The following SLC9A9 variants were observed in gnomAD, a reference collection of about 807,000 sequenced individuals.
SLC9A9 encodes the protein sodium/hydrogen exchanger 9.
SLC9A9 carries 62 observed loss-of-function variants against 77.8 expected under a neutral mutation model. That is an observed-to-expected ratio of 0.80 (90% CI 0.65 to 0.98). SLC9A9 has a LOEUF of 0.98. Ranked by LOEUF, SLC9A9 falls within the 50% of genes least tolerant of loss-of-function variation. The probability of loss-of-function intolerance (pLI) is 0.00; values close to 1 mark genes in which losing one functional copy is unlikely to be tolerated. For synonymous variants in SLC9A9, 320 were observed against 283.5 expected, an observed-to-expected ratio of 1.13 and a Z score of -1.29; for missense variants, 775 against 774.9, an observed-to-expected ratio of 1.00 and a Z score of 0.00.
At chr3:143,779,612 C>A (rs2007808793) in intron 4 of SLC9A9, among the ~76,000 whole-genome samples, 1 of 152,130 alleles carries the variant, frequency 6.6e-6, no homozygotes, top group African/African-American at 2.4e-5. Context: ...CTCAGGTGAT[C>A]CATCCACTTC....
chr3:143,500,363 TGTAAG>T (rs541552097), intron 9 of SLC9A9, among the ~76,000 whole-genome samples: 5 of 152,346 alleles, frequency 3.3e-5, no homozygotes, highest in African/African-American at 1.2e-4. Context: ...TGATGAATCT[TGTAAG>T]GTAAGTTATT....
chr3:143,763,714 A>AT lies in SLC9A9; in HGVS notation c.533+31286dup, dbSNP rs112250510. ...AGCAAAAAGCAAAATAAAATGTTTG[A>AT]TTTTTTTTTTTTTCACATTTCTTTT... On this transcript the variant is annotated intron_variant, in intron 4 of 15. Transcript: ENST00000316549. 3.0e-3 allele frequency among the ~76,000 whole-genome samples: 437 copies of AT among 146,556 alleles called. 2 individuals are homozygous for AT. Among genetic ancestry groups the AT allele is most frequent in the African/African-American group, 6.0e-3 (242 of 40,554 alleles).
chr3:143,662,711 A>G (rs1304484578), intron 5 of SLC9A9, among the ~76,000 whole-genome samples: 3 of 152,070 alleles, frequency 2.0e-5, no homozygotes, highest in African/African-American at 7.2e-5. Flanking sequence ...CTAGCACAGC[A>G]GTCCGAGATG....
chr3:143,415,401 G>T (rs2034174000), intron 12 of SLC9A9, among the ~76,000 whole-genome samples: 1 of 152,202 alleles, frequency 6.6e-6, no homozygotes, highest in Non-Finnish European at 1.5e-5. Context: ...TGATTCTCTT[G>T]TGAGGGGCTA....
intron 2 of SLC9A9, among the ~76,000 whole-genome samples, chr3:143,824,736 G>T (rs2009255465): frequency 1.3e-5 from 2 of 152,182 alleles, no homozygotes; most frequent in South Asian, 4.1e-4. Context: ...AATCTGTGTT[G>T]TTCAATGATG....
Position 143,307,178 on chromosome 3 carries a change from A to G in SLC9A9, c.1605-38198T>C, listed in dbSNP as rs147699077. ...TCCCAATACTGTATTCGGTGCCTCT[A>G]TGTTGGCAGATTGATATTAGCTATG... On this transcript the variant is annotated intron_variant, in intron 14 of 15. Coordinates refer to ENST00000316549, the MANE Select transcript of SLC9A9 (RefSeq NM_173653.4). Among the ~76,000 whole-genome samples the G allele has an allele frequency of 1.1e-3, 165 of 152,310 alleles. 1 individual carries two copies. The highest frequency in any genetic ancestry group is 3.7e-3 in the African/African-American group (152 of 41,562).
At chr3:143,666,860 T>C (rs981061473) in intron 5 of SLC9A9, among the ~76,000 whole-genome samples, 5 of 152,212 alleles carry the variant, frequency 3.3e-5, no homozygotes, top group African/African-American at 1.2e-4. Flanking sequence ...GAACATTCCA[T>C]GCTCACGAAT....
At chr3:143,274,436 C>T (rs545513041) in intron 14 of SLC9A9, among the ~76,000 whole-genome samples, 16 of 152,234 alleles carry the variant, frequency 1.1e-4, no homozygotes, top group Admixed American at 1.0e-3. Flanking sequence ...CTAAAGATTG[C>T]TACATACTGT....
chr3:143,695,796 T>G (rs2360863), intron 4 of SLC9A9, among the ~76,000 whole-genome samples: 1 of 151,742 alleles, frequency 6.6e-6, no homozygotes, highest in African/African-American at 2.4e-5. Context: ...ACACTCCCAT[T>G]AACAGTGTAA....
intron 4 of SLC9A9, among the ~76,000 whole-genome samples, chr3:143,693,808 G>C (rs969683493): frequency 2.0e-5 from 3 of 152,222 alleles, no homozygotes; most frequent in South Asian, 4.1e-4. Context: ...GCTGCTAGTG[G>C]TGTCAGGACA....
At chr3:143,735,546 G>A (rs1157974509) in intron 4 of SLC9A9, among the ~76,000 whole-genome samples, 2 of 152,194 alleles carry the variant, frequency 1.3e-5, no homozygotes, top group Non-Finnish European at 2.9e-5. Context: ...GCATACACGA[G>A]TTCAGGAACT....
chr3:143,759,443 A>G (rs1412402991), intron 4 of SLC9A9, among the ~76,000 whole-genome samples: 1 of 152,146 alleles, frequency 6.6e-6, no homozygotes, highest in East Asian at 1.9e-4. Flanking sequence ...CTGTCAATGC[A>G]GGCACTATGC....
At chr3:143,501,816 C>A (rs576065346) in intron 9 of SLC9A9, among the ~76,000 whole-genome samples, 1 of 150,604 alleles carries the variant, frequency 6.6e-6, no homozygotes, top group African/African-American at 2.5e-5. Context: ...AATCTGTGGG[C>A]AAATTCAATT....
chr3:143,837,581 A>G (rs1286756094), intron 1 of SLC9A9, among the ~76,000 whole-genome samples: 1 of 152,118 alleles, frequency 6.6e-6, no homozygotes, highest in East Asian at 1.9e-4. Flanking sequence ...GGTCCTATTG[A>G]TCGCCAGCCC....
intron 9 of SLC9A9, among the ~76,000 whole-genome samples, chr3:143,528,863 A>G (rs931180067): frequency 2.6e-5 from 4 of 152,234 alleles, no homozygotes; most frequent in Non-Finnish European, 5.9e-5. Context: ...GCATCAGACT[A>G]TCTGATAGGT....
intron 6 of SLC9A9, among the ~76,000 whole-genome samples, chr3:143,637,900 T>A (rs1224638590): frequency 2.6e-5 from 4 of 152,158 alleles, no homozygotes. Flanking sequence ...AGATTAAAGT[T>A]TTTCCATGAA....
At chr3:143,523,308 T>C (rs1396534906) in intron 9 of SLC9A9, among the ~76,000 whole-genome samples, 5 of 152,160 alleles carry the variant, frequency 3.3e-5, no homozygotes, top group Non-Finnish European at 7.4e-5. Flanking sequence ...ACTTGTACAT[T>C]GAAATGAAAA....
chr3:143,679,075 C>T (rs1191238611), intron 5 of SLC9A9, among the ~76,000 whole-genome samples: 1 of 150,968 alleles, frequency 6.6e-6, no homozygotes, highest in Non-Finnish European at 1.5e-5. Flanking sequence ...AAGAGTGCAG[C>T]AAATCTGGCA....
At chr3:143,539,859 T>A (rs1235913815) in intron 9 of SLC9A9, among the ~76,000 whole-genome samples, 3 of 149,116 alleles carry the variant, frequency 2.0e-5, no homozygotes, top group Non-Finnish European at 4.5e-5. Flanking sequence ...GTTTTTGTTT[T>A]CTAAAAGTGA....
Sources: gnomAD v4.1 joint callset for allele counts (sites outside exome capture counted in the v4.1 genomes callset) on GRCh38, gnomAD v4.1.1 for gene constraint, MANE v1.5 for transcripts, NCBI Gene and HGNC (gene_info 2026-07-23, HGNC 2026-07-21) for gene names.